The following ATP10B variants were observed in gnomAD, a reference collection of about 807,000 sequenced individuals.
The protein encoded by ATP10B is ATPase phospholipid transporting 10B (putative).
In ATP10B, 122 loss-of-function variants were observed where a neutral mutation model predicts 141.2. The observed-to-expected ratio is 0.86, with a 90% CI of 0.75 to 1.00. The LOEUF is 1.00. Ranked by LOEUF, ATP10B falls within the 50% of genes least tolerant of loss-of-function variation. ATP10B has a pLI of 0.00. For synonymous variants in ATP10B, 685 were observed against 692.0 expected (o/e 0.99, Z 0.16); for missense variants, 1,876 against 1,825.3 (o/e 1.03, Z -0.51).
the ATP10B span, among the ~76,000 whole-genome samples, chr5:160,903,663 C>CT: frequency 6.6e-6 from 1 of 152,110 alleles, no homozygotes. Flanking sequence ...TAGAGCCACC[C>CT]TCTCATCATT....
At chr5:160,727,308 C>A (rs1561793385) in intron 2 of ATP10B, among the ~76,000 whole-genome samples, 2 of 152,228 alleles carry the variant, frequency 1.3e-5, no homozygotes, top group Admixed American at 6.5e-5. Context: ...CTGAGGCTTA[C>A]AGGCATAAGT....
intron 11 of ATP10B, 125 bp from the exon 12 acceptor site, chr5:160,634,731 G>A: frequency 9.8e-7 from 1 of 1,018,850 alleles, no homozygotes. Context: ...GACTCTCTGT[G>A]AAATTAACGG....
chr5:160,673,580 C>T (rs184899498), intron 6 of ATP10B, among the ~76,000 whole-genome samples: 1 of 151,870 alleles, frequency 6.6e-6, no homozygotes, highest in East Asian at 1.9e-4. Context: ...CCATCTCCCC[C>T]CAACCCTCAC....
At chr5:160,835,803 G>A (rs954851212) in intron 1 of ATP10B, among the ~76,000 whole-genome samples, 1 of 152,104 alleles carries the variant, frequency 6.6e-6, no homozygotes, top group African/African-American at 2.4e-5. Flanking sequence ...AAAACAGCAG[G>A]TCCTTCATGG....
chr5:160,581,932 T>G (rs1166489387), intron 24 of ATP10B, among the ~76,000 whole-genome samples: 1 of 152,210 alleles, frequency 6.6e-6, no homozygotes, highest in East Asian at 1.9e-4. Flanking sequence ...TGATCTTTGT[T>G]GGTTTAAAGT....
At position 160,800,685 on chromosome 5, in the gene ATP10B, G is replaced by A. The variant is rs139269151; in HGVS notation, c.-575-14882C>T. Among the ~76,000 whole-genome samples, 979 of 152,262 alleles carry A rather than the reference G, an allele frequency of 6.4e-3. 7 individuals carry two copies. The highest frequency in any genetic ancestry group is 0.01 in the Middle Eastern group (3 of 294). On this transcript the variant is annotated intron_variant, in intron 1 of 25. Transcript: ENST00000327245. ...ATAGTCTCCACTTATATGGGATTTG[G>A]CTAATATAATTGGTTTCTTTCTTCA... is the stretch of plus-strand genomic sequence containing the variant.
chr5:160,727,076 A>G (rs1581423038), intron 2 of ATP10B, among the ~76,000 whole-genome samples: 1 of 152,338 alleles, frequency 6.6e-6, no homozygotes, highest in South Asian at 2.1e-4. Context: ...CACCTTGGGC[A>G]CATGTCATCA....
intron 10 of ATP10B, among the ~76,000 whole-genome samples, chr5:160,638,550 G>A (rs1465839727): frequency 6.6e-6 from 1 of 152,074 alleles, no homozygotes; most frequent in African/African-American, 2.4e-5. Context: ...ACAGCTGTGA[G>A]CCAGCCTCAA....
the ATP10B span, among the ~76,000 whole-genome samples, chr5:160,879,754 C>T: frequency 3.3e-5 from 5 of 152,150 alleles, no homozygotes; most frequent in East Asian, 9.7e-4. Flanking sequence ...AGGGGAATGG[C>T]GTGAACCCAG....
chr5:160,900,025 T>C, the ATP10B span, among the ~76,000 whole-genome samples: 1 of 152,128 alleles, frequency 6.6e-6, no homozygotes, highest in South Asian at 2.1e-4. Context: ...CGTTGTGTCG[T>C]TGTGGTTGTT....
rs778668532 is a variant in ATP10B, at chr5:160,670,631, A to G, written c.507T>C (p.Asp169=). The change falls in exon 7 of 26, where the codon GAT becomes GAC. Residue 169 remains aspartate, a synonymous_variant. Coordinates refer to ENST00000327245, the MANE Select transcript of ATP10B (RefSeq NM_025153.3). ...TTTGGATGAAGTCTCCCACGCGCAC[A>G]TCCTTCCAGCACTTCTGCACATAGG... ...EQTYVQKCWK[D]VRVGDFIQMK... 1 of 1,613,794 alleles carries G rather than the reference A, an allele frequency of 6.2e-7. No individual in the cohort carries two copies. The highest frequency in any genetic ancestry group is 1.1e-5 in the South Asian group (1 of 91,066).
intron 23 of ATP10B, 140 bp downstream of exon 23, chr5:160,590,919 G>T: frequency 1.5e-6 from 1 of 649,460 alleles, no homozygotes. Context: ...AACACCTTGG[G>T]TTGGATGTAA....
At chr5:160,730,284 G>T (rs1191758633) in intron 2 of ATP10B, among the ~76,000 whole-genome samples, 1 of 152,152 alleles carries the variant, frequency 6.6e-6, no homozygotes, top group Non-Finnish European at 1.5e-5. Context: ...TTGCTGATGA[G>T]ATTCAAGTCT....
At chr5:160,673,826 T>C (rs1047776048) in intron 6 of ATP10B, among the ~76,000 whole-genome samples, 2 of 152,210 alleles carry the variant, frequency 1.3e-5, no homozygotes, top group Admixed American at 1.3e-4. Context: ...AATATCCAAG[T>C]ATAAGGCTAC....
chr5:160,925,398 G>A, the ATP10B span, among the ~76,000 whole-genome samples: 1 of 152,206 alleles, frequency 6.6e-6, no homozygotes. Flanking sequence ...TAGGGGATGA[G>A]TTTATTATCA....
chr5:160,619,437 C>T (rs1425828757), intron 15 of ATP10B, among the ~76,000 whole-genome samples: 1 of 152,162 alleles, frequency 6.6e-6, no homozygotes, highest in Non-Finnish European at 1.5e-5. Context: ...GGATAGAGTG[C>T]CGTGGCTCCC....
intron 2 of ATP10B, among the ~76,000 whole-genome samples, chr5:160,771,589 T>C (rs911997023): frequency 1.3e-5 from 2 of 152,342 alleles, no homozygotes; most frequent in African/African-American, 4.8e-5. Context: ...TATAGTGAGA[T>C]GCTTACTATA....
chr5:160,652,214 G>T (rs1025206698), intron 7 of ATP10B, among the ~76,000 whole-genome samples: 3 of 151,982 alleles, frequency 2.0e-5, no homozygotes, highest in African/African-American at 7.3e-5. Flanking sequence ...TTCATGAAAA[G>T]GTGACCCTGC....
Position 160,811,922 on chromosome 5 carries a change from C to T in ATP10B, c.-575-26119G>A, listed in dbSNP as rs778083846. Reference sequence around the variant, plus strand: ...TGCTGTGCTGGCTTCATGTCTGACCCAGTGCAGTCTCAGTGGTGGTGGCCA... The same window carrying T: ...TGCTGTGCTGGCTTCATGTCTGACCTAGTGCAGTCTCAGTGGTGGTGGCCA... On this transcript the variant is annotated intron_variant, in intron 1 of 25. Coordinates refer to ENST00000327245, the MANE Select transcript of ATP10B (RefSeq NM_025153.3). Among the ~76,000 whole-genome samples the T allele has an allele frequency of 6.7e-4, 102 of 152,200 alleles. 1 individual carries two copies. The highest frequency in any genetic ancestry group is 7.8e-4 in the Non-Finnish European group (53 of 68,010).
Sources: allele counts gnomAD v4.1 joint callset (sites outside exome capture counted in the v4.1 genomes callset), GRCh38; gene constraint gnomAD v4.1.1; transcripts MANE v1.5; gene names NCBI Gene and HGNC (gene_info 2026-07-23, HGNC 2026-07-21).